The following TTC17 variants were observed in gnomAD, a reference collection of about 807,000 sequenced individuals.
TTC17 encodes the protein tetratricopeptide repeat protein 17.
Under a neutral mutation model 143.8 loss-of-function variants are expected in TTC17, and 58 were observed. The observed-to-expected ratio is 0.40, with a 90% confidence interval of 0.33 to 0.50. The LOEUF (loss-of-function observed/expected upper bound fraction) is 0.50. Among genes scored for constraint, TTC17 ranks in the 20% least tolerant of loss-of-function variants. The pLI is 0.49. For missense variants in TTC17, 1,273 were observed against 1,392.5 expected, an observed-to-expected ratio of 0.91 and a Z score of 1.37; for synonymous variants, 501 against 497.8, an observed-to-expected ratio of 1.01 and a Z score of -0.09.
intron 21 of TTC17, among the ~76,000 whole-genome samples, chr11:43,487,109 A>C (rs1460420963): frequency 1.3e-5 from 2 of 152,192 alleles, no homozygotes; most frequent in Non-Finnish European, 2.9e-5. Context: ...TTTGTGTGTC[A>C]GATATTAGCA....
chr11:43,387,428 A>C (rs1331023584), intron 2 of TTC17, among the ~76,000 whole-genome samples: 1 of 151,336 alleles, frequency 6.6e-6, no homozygotes, highest in African/African-American at 2.4e-5. Context: ...CATGCCTTGA[A>C]GTCAGTAGGG....
intron 8 of TTC17, 115 bp downstream of exon 8, chr11:43,398,228 A>G: frequency 7.6e-7 from 1 of 1,309,304 alleles, no homozygotes; most frequent in Non-Finnish European, 1.0e-6. Context: ...AAACCTCTTC[A>G]CTACTGCAAG....
intron 21 of TTC17, among the ~76,000 whole-genome samples, chr11:43,482,493 G>A (rs1033641878): frequency 5.3e-5 from 8 of 151,846 alleles, no homozygotes; most frequent in African/African-American, 1.7e-4. Flanking sequence ...GTGTTTTCTA[G>A]ATATCTTTCT....
intron 1 of TTC17, among the ~76,000 whole-genome samples, chr11:43,364,450 A>G (rs1272540675): frequency 6.6e-6 from 1 of 152,176 alleles, no homozygotes; most frequent in East Asian, 1.9e-4. Flanking sequence ...GGCACTGTGA[A>G]GCTGACAGCT....
chr11:43,436,108 T>C, intron 16 of TTC17: 1 of 1,240,774 alleles, frequency 8.1e-7, no homozygotes, highest in Non-Finnish European at 1.0e-6. Flanking sequence ...CCTTGTACTG[T>C]AGTACTACAC....
chr11:43,438,115 T>C (rs1430958155), intron 16 of TTC17, among the ~76,000 whole-genome samples: 1 of 152,242 alleles, frequency 6.6e-6, no homozygotes, highest in Non-Finnish European at 1.5e-5. Flanking sequence ...ATCACTGCCT[T>C]TTAAAGAGAA....
At chr11:43,473,181 A>G (rs1248545883) in intron 21 of TTC17, among the ~76,000 whole-genome samples, 1 of 152,092 alleles carries the variant, frequency 6.6e-6, no homozygotes, top group Non-Finnish European at 1.5e-5. Flanking sequence ...TCTAAAAAAA[A>G]AAAAAGAAAG....
At chr11:43,403,914 C>A in intron 10 of TTC17, 84 bp from the exon 11 acceptor site, 1 of 1,210,378 alleles carries the variant, frequency 8.3e-7, no homozygotes, top group Non-Finnish European at 1.1e-6. Context: ...TGAATATTCA[C>A]TCGCTTTTTT....
At chr11:43,421,206 G>C (rs919587472) in intron 16 of TTC17, among the ~76,000 whole-genome samples, 4 of 152,272 alleles carry the variant, frequency 2.6e-5, no homozygotes, top group Non-Finnish European at 5.9e-5. Flanking sequence ...TTGAACATAA[G>C]ACTTGAGGAA....
Position 43,443,329 on chromosome 11 carries a change from G to A in TTC17, c.2256G>A (p.Thr752=), listed in dbSNP as rs745446979. 32 of 1,613,792 alleles carry A rather than the reference G, an allele frequency of 2.0e-5. No homozygotes were observed. The highest frequency in any genetic ancestry group is 8.9e-5 in the East Asian group (4 of 44,884). ...GTGCTGGCCCTTGAATTTCAGGTAC[G>A]GTGGTTGAGGAGAGCAATGGTTCTG... ...YNITSSVCSG[T]VVEESNGSDE... Residue 752 remains threonine (T), a synonymous_variant, in exon 17 of 24, where the codon ACG becomes ACA. Coordinates refer to ENST00000039989, the MANE Select transcript of TTC17 (RefSeq NM_018259.6).
At chr11:43,391,266 G>T (rs1169132646) in intron 3 of TTC17, among the ~76,000 whole-genome samples, 199 bp from the exon 4 acceptor site, 1 of 152,120 alleles carries the variant, frequency 6.6e-6, no homozygotes, top group African/African-American at 2.4e-5. Flanking sequence ...GATTGTGGTG[G>T]TGCATGCCTG....
At chr11:43,458,088 T>C (rs1040582519) in intron 21 of TTC17, among the ~76,000 whole-genome samples, 2 of 152,250 alleles carry the variant, frequency 1.3e-5, no homozygotes, top group Non-Finnish European at 2.9e-5. Flanking sequence ...GGCTGTTTAC[T>C]ATTACAGAAC....
chr11:43,387,812 T>C (rs1435971147), intron 2 of TTC17, among the ~76,000 whole-genome samples: 2 of 152,166 alleles, frequency 1.3e-5, no homozygotes, highest in East Asian at 1.9e-4. Context: ...TGATGTATCA[T>C]GTAAGGAGGG....
intron 10 of TTC17, among the ~76,000 whole-genome samples, chr11:43,403,643 G>C (rs1857972456): frequency 6.9e-6 from 1 of 145,820 alleles, no homozygotes; most frequent in Admixed American, 6.9e-5. Flanking sequence ...TTTTAGAGTG[G>C]TGAGCATTTT....
At chr11:43,464,279 C>CAA (rs71449848) in intron 21 of TTC17, among the ~76,000 whole-genome samples, 6 of 97,360 alleles carry the variant, frequency 6.2e-5, no homozygotes, top group Non-Finnish European at 4.4e-5. Context: ...GACTCCATCT[C>CAA]AAAAAAAAAA....
At chr11:43,458,203 C>T (rs1160323546) in intron 21 of TTC17, among the ~76,000 whole-genome samples, 1 of 152,130 alleles carries the variant, frequency 6.6e-6, no homozygotes, top group Non-Finnish European at 1.5e-5. Context: ...TGGGGCTACA[C>T]ACACAAGAGC....
intron 13 of TTC17, among the ~76,000 whole-genome samples, chr11:43,406,842 A>G (rs1858162145): frequency 6.6e-6 from 1 of 152,228 alleles, no homozygotes. Context: ...TGTCTTTTGA[A>G]TAATTTCTTC....
intron 16 of TTC17, among the ~76,000 whole-genome samples, chr11:43,419,123 CTTAA>C (rs1244068154): frequency 2.0e-5 from 3 of 152,142 alleles, no homozygotes; most frequent in Non-Finnish European, 2.9e-5. Context: ...CTGGTCATTT[CTTAA>C]TTAATTGAGG....
rs1346081525 is a variant in TTC17, at chr11:43,493,678, C to A, written c.3295-95C>A. ...TTGAGCAAATGCTGCGGGATTGTCC[C>A]TAGTACAGAGGTGCTTCTTGAGAAA... On this transcript the variant is annotated intron_variant, in intron 23 of 23. Coordinates refer to ENST00000039989, the MANE Select transcript of TTC17 (RefSeq NM_018259.6). 9 of 1,575,108 alleles carry A rather than the reference C, an allele frequency of 5.7e-6. No individual in the cohort carries two copies. In the Admixed American group the frequency reaches 1.5e-4, roughly 26 times the overall value.
Sources: gnomAD v4.1 joint callset for allele counts (sites outside exome capture counted in the v4.1 genomes callset) on GRCh38, gnomAD v4.1.1 for gene constraint, MANE v1.5 for transcripts, NCBI Gene and HGNC (gene_info 2026-07-23, HGNC 2026-07-21) for gene names.